Variants in SLC29A4 observed in about 807,000 individuals in gnomAD.
SLC29A4 encodes the protein equilibrative nucleoside transporter 4.
In SLC29A4, 36 loss-of-function variants were observed where a neutral mutation model predicts 43.9. The ratio of observed to expected loss-of-function variants is 0.82; its 90% CI spans 0.63 to 1.08. The LOEUF (loss-of-function observed/expected upper bound fraction) is 1.08, where lower values mean the gene tolerates loss of function less well. Ranked by LOEUF, SLC29A4 falls within the 50% of genes least tolerant of loss-of-function variation. The pLI, the probability that SLC29A4 is intolerant of heterozygous loss-of-function variation, is 0.00. For missense variants in SLC29A4, 869 were observed against 755.3 expected, an observed-to-expected ratio of 1.15 and a Z score of -1.77; for synonymous variants, 491 against 338.0, an observed-to-expected ratio of 1.45 and a Z score of -4.97.
At chr7:5,289,744 C>T (rs1785185091) in intron 2 of SLC29A4, among the ~76,000 whole-genome samples, 1 of 152,040 alleles carries the variant, frequency 6.6e-6, no homozygotes, top group Non-Finnish European at 1.5e-5. Flanking sequence ...CTAAACCATG[C>T]CTCCTCTCCA....
Position 5,299,758 on chromosome 7 carries a change from C to T in SLC29A4, c.1209+331C>T, listed in dbSNP as rs552054510. Among the ~76,000 whole-genome samples the T allele has an allele frequency of 2.6e-5, 4 of 152,276 alleles. No individual in the cohort carries two copies. The South Asian group carries it at 6.2e-4, about 24-fold the overall frequency. Reference sequence around the variant, plus strand: ...AGAAGGCAGGGACACTCAGAAATGGCTCAAAGAAATGGCCAGGTGCAGTGG... The same window carrying T: ...AGAAGGCAGGGACACTCAGAAATGGTTCAAAGAAATGGCCAGGTGCAGTGG... On this transcript the variant is annotated intron_variant, in intron 9 of 10. Coordinates refer to ENST00000396872, the MANE Select transcript of SLC29A4 (RefSeq NM_153247.4).
intron 10 of SLC29A4, among the ~76,000 whole-genome samples, chr7:5,301,148 C>G (rs1389791944): frequency 6.6e-6 from 1 of 151,994 alleles, no homozygotes; most frequent in South Asian, 2.1e-4. Flanking sequence ...CCTATGGTCC[C>G]AGCTACTCGG....
At chr7:5,300,856 A>G (rs981225170) in intron 10 of SLC29A4, among the ~76,000 whole-genome samples, 194 bp downstream of exon 10, 5 of 152,188 alleles carry the variant, frequency 3.3e-5, no homozygotes, top group Admixed American at 1.3e-4. Flanking sequence ...CGTTCATCCC[A>G]CAACTACTTG....
At chr7:5,288,298 C>T (rs1410313607) in intron 2 of SLC29A4, among the ~76,000 whole-genome samples, 8 of 68,754 alleles carry the variant, frequency 1.2e-4, no homozygotes, top group African/African-American at 2.4e-4. Flanking sequence ...CGTACAGCTT[C>T]TTTTTTTTTT....
chr7:5,291,415 C>G (rs1785302889), intron 4 of SLC29A4, among the ~76,000 whole-genome samples, 178 bp downstream of exon 4: 10 of 152,232 alleles, frequency 6.6e-5, no homozygotes, highest in Admixed American at 6.5e-4. Flanking sequence ...TACCCCAAGT[C>G]ATGTCCCTGG....
intron 5 of SLC29A4, among the ~76,000 whole-genome samples, chr7:5,293,683 C>T (rs973090794): frequency 3.3e-5 from 5 of 152,200 alleles, no homozygotes; most frequent in South Asian, 4.1e-4. Flanking sequence ...CTCACTCTGT[C>T]GCCCAGGCTG....
chr7:5,297,187 G>T lies in SLC29A4; in HGVS notation c.871G>T (p.Asp291Tyr), dbSNP rs776092692. The T allele has an allele frequency of 6.3e-7, 1 of 1,589,652 alleles. No individual in the cohort carries two copies. The highest frequency in any genetic ancestry group is 8.5e-7 in the Non-Finnish European group (1 of 1,173,024). The change falls in exon 7 of 11, where the codon GAC (aspartate) becomes TAC (tyrosine). Residue 291 changes from aspartate to tyrosine, a missense_variant. Transcript: ENST00000396872. ...YRVHHDVVAGDVHFEHPAPAL... is the reference protein window; with the variant it reads ...YRVHHDVVAGYVHFEHPAPAL... ...CGTGCACCACGACGTTGTCGCCGGG[G>T]ACGTCCACTTCGTAAGTGCGCACCG... is the stretch of plus-strand genomic sequence containing the variant.
intron 2 of SLC29A4, 71 bp downstream of exon 2, chr7:5,288,056 C>A: frequency 3.3e-6 from 5 of 1,500,944 alleles, no homozygotes; most frequent in South Asian, 2.7e-5. Flanking sequence ...CCCAGTGAAG[C>A]CTTGCGGTAT....
intron 2 of SLC29A4, 129 bp from the exon 3 acceptor site, chr7:5,290,603 G>A (rs1785240790): frequency 8.0e-7 from 1 of 1,249,986 alleles, no homozygotes; most frequent in African/African-American, 1.5e-5. Flanking sequence ...CTGGAACAGA[G>A]GGGAGCAGGG....
At chr7:5,287,695 G>A (rs1785044787) in intron 1 of SLC29A4, 114 bp from the exon 2 acceptor site, 1 of 1,107,702 alleles carries the variant, frequency 9.0e-7, no homozygotes. Flanking sequence ...TGGCCAACGA[G>A]TGTGACCAAA....
intron 1 of SLC29A4, among the ~76,000 whole-genome samples, chr7:5,286,547 A>AG (rs1460417562): frequency 1.3e-5 from 2 of 151,628 alleles, no homozygotes; most frequent in African/African-American, 4.9e-5. Flanking sequence ...AAAAAGAAAA[A>AG]AATCATTTTA....
At position 5,297,168 on chromosome 7, in the gene SLC29A4, C is replaced by A. The variant is rs765573750; in HGVS notation, c.852C>A (p.His284Gln). The A allele has an allele frequency of 3.8e-6, 6 of 1,596,028 alleles. No homozygotes were observed. Among genetic ancestry groups the A allele is most frequent in the Non-Finnish European group, 5.1e-6 (6 of 1,175,858 alleles). ...GLGRGYGYRVHHDVVAGDVHF... is the reference protein window; with the variant it reads ...GLGRGYGYRVQHDVVAGDVHF... ...GCAGGGGCTATGGCTACCGCGTGCACCACGACGTTGTCGCCGGGGACGTCC... is the reference window on the plus strand; with the variant it reads ...GCAGGGGCTATGGCTACCGCGTGCAACACGACGTTGTCGCCGGGGACGTCC... Residue 284 changes from histidine to glutamine, a missense_variant, in exon 7 of 11, where the codon CAC becomes CAA. By Grantham distance (24) the His-to-Gln change is conservative. Transcript: ENST00000396872.
At position 5,303,110 on chromosome 7, in the gene SLC29A4, C is replaced by T; in HGVS notation, c.*171C>T. ...TGCCCCACCCTGGACTGAAGTTCTG[C>T]AAAGTCCTCCGAGGACCGGAACACG... On this transcript the variant is annotated 3_prime_UTR_variant, in exon 11 of 11. Coordinates refer to ENST00000396872, the MANE Select transcript of SLC29A4 (RefSeq NM_153247.4). 1.3e-6 allele frequency: 1 copy of T among 774,882 alleles called. No homozygotes were observed. The highest frequency in any genetic ancestry group is 2.0e-6 in the Non-Finnish European group (1 of 494,704). The allele number at this position is 774,882 out of a possible 1,614,324, so 48.0% of individuals were successfully genotyped here.
rs372996837 is a variant in SLC29A4, at chr7:5,291,708, T to C, written c.431T>C (p.Leu144Ser). 5 of 1,611,358 alleles carry C rather than the reference T, an allele frequency of 3.1e-6. No individual in the cohort carries two copies. The African/African-American group carries it at 5.3e-5, about 17-fold the overall frequency. The change falls in exon 5 of 11, where the codon TTG becomes TCG. Residue 144 changes from leucine to serine, a missense_variant. By Grantham distance (145) the Leu-to-Ser change is moderately radical. Transcript: ENST00000396872. Reference protein sequence around the residue: ...TRITAGYLLALGPLLFISICD... With the variant: ...TRITAGYLLASGPLLFISICD... The stretch of plus-strand genomic sequence containing the variant: ...CCCCCAACAGGCTACCTCTTAGCCT[T>C]GGGCCCTCTCCTTTTTATCAGCATC...
chr7:5,291,840 G>A lies in SLC29A4; in HGVS notation c.544+19G>A. 1.2e-6 allele frequency: 2 copies of A among 1,607,568 alleles called. No homozygotes were observed. The highest frequency in any genetic ancestry group is 2.3e-4 in the Middle Eastern group (1 of 4,420). On this transcript the variant is annotated intron_variant, in intron 5 of 10. Transcript: ENST00000396872. ...TGCACAGGTAGGAACCGGGGCCCAA[G>A]GGGGAGGCCTTGAGTGCCCACTTCC...
chr7:5,298,879 A>G (rs1785912716), intron 7 of SLC29A4, 109 bp from the exon 8 acceptor site: 8 of 1,237,932 alleles, frequency 6.5e-6, no homozygotes, highest in Middle Eastern at 5.7e-4. Flanking sequence ...TACCACCTGA[A>G]TGTCAGCGCC....
chr7:5,294,767 C>T (rs1179787269), intron 5 of SLC29A4, 93 bp from the exon 6 acceptor site: 9 of 1,326,966 alleles, frequency 6.8e-6, no homozygotes, highest in Admixed American at 3.4e-5. Flanking sequence ...TGTTTACGCA[C>T]CCTCGTCCAC....
rs1053574299 is a variant in SLC29A4 at position 5,302,997 on chromosome 7, A to AG, written c.*61dup. The AG allele has an allele frequency of 6.4e-7, 1 of 1,557,558 alleles. No homozygotes were observed. The highest frequency in any genetic ancestry group is 1.4e-5 in the African/African-American group (1 of 73,532). On this transcript the variant is annotated 3_prime_UTR_variant, in exon 11 of 11. Coordinates refer to ENST00000396872, the MANE Select transcript of SLC29A4 (RefSeq NM_153247.4). ...GCCTGACCAGGGGCCCCGAGGCCTG[A>AG]GGGCCCCTCCCCTGTCCCCACCTCA...
intron 1 of SLC29A4, among the ~76,000 whole-genome samples, chr7:5,286,291 G>C (rs904547826): frequency 6.6e-6 from 1 of 152,078 alleles, no homozygotes; most frequent in Non-Finnish European, 1.5e-5. Context: ...TTGGGAGGCC[G>C]AGGCGGGCAG....
Sources: gnomAD v4.1 joint callset for allele counts (sites outside exome capture counted in the v4.1 genomes callset) on GRCh38, gnomAD v4.1.1 for gene constraint, MANE v1.5 for transcripts, NCBI Gene and HGNC (gene_info 2026-07-23, HGNC 2026-07-21) for gene names.